Variants in FAM161A observed in about 807,000 individuals in gnomAD.
FAM161A encodes the protein protein FAM161A.
Under a neutral mutation model 70.9 loss-of-function variants are expected in FAM161A, and 57 were observed. The ratio of observed to expected loss-of-function variants is 0.80; its 90% CI spans 0.65 to 1.00. The LOEUF is 1.00. FAM161A is among the 50% of genes least tolerant of loss of function. The pLI is 0.00. For synonymous variants in FAM161A, 299 were observed against 295.7 expected, an observed-to-expected ratio of 1.01 and a Z score of -0.12; for missense variants, 880 against 836.0, an observed-to-expected ratio of 1.05 and a Z score of -0.65.
At chr2:61,844,174 C>G in intron 1 of FAM161A, among the ~76,000 whole-genome samples, 1 of 152,062 alleles carries the variant, frequency 6.6e-6, no homozygotes, top group East Asian at 1.9e-4. Flanking sequence ...ATAGAACTTA[C>G]GTGCAGAAAT....
the FAM161A span, among the ~76,000 whole-genome samples, chr2:61,803,733 G>A: frequency 6.6e-6 from 1 of 152,206 alleles, no homozygotes; most frequent in Non-Finnish European, 1.5e-5. Flanking sequence ...AGAATGGTGT[G>A]AACTCGGGAC....
At chr2:61,832,283 C>A (rs1262895957) in intron 5 of FAM161A, among the ~76,000 whole-genome samples, 1 of 148,292 alleles carries the variant, frequency 6.7e-6, no homozygotes, top group East Asian at 2.0e-4. Context: ...CAACAAAAAA[C>A]CAACAACAAC....
chr2:61,839,271 G>A, intron 3 of FAM161A, 150 bp downstream of exon 3: 1 of 685,074 alleles, frequency 1.5e-6, no homozygotes, highest in Non-Finnish European at 2.4e-6. Context: ...AATACCCTCT[G>A]ACAAAATATC....
chr2:61,803,362 T>C, the FAM161A span: 1 of 701,180 alleles, frequency 1.4e-6, no homozygotes, highest in Admixed American at 1.9e-5. Flanking sequence ...ACATGGCCTG[T>C]ATGAGAAGAA....
At chr2:61,809,075 G>T in the FAM161A span, among the ~76,000 whole-genome samples, 1 of 152,132 alleles carries the variant, frequency 6.6e-6, no homozygotes, top group Non-Finnish European at 1.5e-5. Context: ...GTTTTGCCAT[G>T]TTGGCCAGGC....
At position 61,854,030 on chromosome 2, in the gene FAM161A, G is replaced by A; in HGVS notation, c.12C>T (p.Ser4=). 7 of 1,609,742 alleles carry A rather than the reference G, an allele frequency of 4.3e-6. No homozygotes were observed. Among genetic ancestry groups the A allele is most frequent in the African/African-American group, 1.3e-5 (1 of 74,982 alleles). Residue 4 remains serine, a synonymous_variant, in exon 1 of 7, where the codon TCC becomes TCT. Coordinates refer to ENST00000404929, the MANE Select transcript of FAM161A (RefSeq NM_001201543.2). ...AGGCCACCAGCTTCGCCACTCGGTG[G>A]GAGGTGGCCATCGCCCCGCCTCCGA... MAT[S]HRVAKLVASS... is the part of the protein sequence containing the mutation.
chr2:61,817,641 A>T, the FAM161A span, among the ~76,000 whole-genome samples: 4 of 152,216 alleles, frequency 2.6e-5, no homozygotes, highest in African/African-American at 9.6e-5. Context: ...AAGTTGCTTC[A>T]TCACAAAGTG....
chr2:61,846,756 T>A (rs929788097), intron 1 of FAM161A: 3 of 334,104 alleles, frequency 9.0e-6, no homozygotes, highest in Non-Finnish European at 1.8e-5. Context: ...AGATGGGACT[T>A]ACTCCTTTCT....
At position 61,840,343 on chromosome 2, in the gene FAM161A, C is replaced by T; in HGVS notation, c.661G>A (p.Ala221Thr). 1 of 1,614,046 alleles carries T rather than the reference C, an allele frequency of 6.2e-7. No individual in the cohort carries two copies. Among genetic ancestry groups the T allele is most frequent in the Non-Finnish European group, 8.5e-7 (1 of 1,180,000 alleles). Residue 221 changes from alanine (A) to threonine (T), a missense_variant, in exon 3 of 7, where the codon GCA becomes ACA. Physicochemically the swap from Ala to Thr is moderately conservative, Grantham distance 58. Transcript: ENST00000404929. ...YIRCKDTGFHAAEKRRKKRKE... is the reference protein window; with the variant it reads ...YIRCKDTGFHTAEKRRKKRKE... ...CGTTTCTTCCTTCTTTTTTCAGCTG[C>T]ATGGAAGCCAGTATCTTTACAGCGA...
rs146880732 is a variant in FAM161A, at chr2:61,828,336, C to CTT, written c.1852-1080_1852-1079dup. Among the ~76,000 whole-genome samples the CTT allele has an allele frequency of 3.7e-3, 548 of 146,224 alleles. 2 individuals are homozygous for CTT. Among genetic ancestry groups the CTT allele is most frequent in the African/African-American group, 0.013 (501 of 39,942 alleles). ...AATTGTTGTCAGAGGATTCTTTTTC[C>CTT]TTTTTTTTTTGAAAAAGGGTCTTGC... On this transcript the variant is annotated intron_variant, in intron 5 of 6. Transcript: ENST00000404929.
At chr2:61,835,647 G>T in intron 5 of FAM161A, 1 of 177,140 alleles carries the variant, frequency 5.6e-6, no homozygotes, top group Non-Finnish European at 1.2e-5. Flanking sequence ...CGAACTACTG[G>T]ATTGGCATGT....
At chr2:61,820,234 C>A (rs1029530571), downstream of FAM161A, 18 of 612,190 alleles carry the variant, frequency 2.9e-5, no homozygotes, top group Non-Finnish European at 5.0e-5. Flanking sequence ...AGCCAAGCAG[C>A]TGTGGCAGCT....
At position 61,838,535 on chromosome 2, in the gene FAM161A, T is replaced by A. The variant is rs1558481837; in HGVS notation, c.1751+3A>T. The stretch of plus-strand genomic sequence containing the variant: ...CTGGAGATTCAAGATTTTTTCATGA[T>A]ACCTGAGACATTTTACTCTGGATTT... On this transcript the variant is annotated splice_donor_region_variant and intron_variant, in intron 4 of 6. Transcript: ENST00000404929. 2 of 1,600,122 alleles carry A rather than the reference T, an allele frequency of 1.2e-6. No homozygotes were observed. The highest frequency in any genetic ancestry group is 1.7e-6 in the Non-Finnish European group (2 of 1,172,664).
chr2:61,839,716 CAGG>C lies in FAM161A; in HGVS notation c.1285_1287del (p.Pro429del). The C allele has an allele frequency of 2.5e-6, 4 of 1,614,146 alleles. No individual in the cohort carries two copies. Among genetic ancestry groups the C allele is most frequent in the Non-Finnish European group, 3.4e-6 (4 of 1,180,024 alleles). ...TATCTCTCAGGAAGGTCCTCAAAAT[CAGG>C]AGTTGGGCACCTAACCTTGTGTTTA... is the stretch of plus-strand genomic sequence containing the variant. On this transcript the variant is annotated inframe_deletion, in exon 3 of 7. Coordinates refer to ENST00000404929, the MANE Select transcript of FAM161A (RefSeq NM_001201543.2).
chr2:61,810,328 C>A, the FAM161A span, among the ~76,000 whole-genome samples: 1 of 152,002 alleles, frequency 6.6e-6, no homozygotes, highest in Non-Finnish European at 1.5e-5. Context: ...TCTGAAGAGT[C>A]CTGTAGAAGC....
chr2:61,832,376 C>T (rs1247712290), intron 5 of FAM161A, among the ~76,000 whole-genome samples: 1 of 151,794 alleles, frequency 6.6e-6, no homozygotes, highest in Non-Finnish European at 1.5e-5. Flanking sequence ...TGTCATTTTT[C>T]ATTAGGTAAG....
intron 1 of FAM161A, chr2:61,846,713 G>A (rs748360849): frequency 1.4e-5 from 4 of 286,668 alleles, no homozygotes; most frequent in Non-Finnish European, 2.8e-5. Flanking sequence ...TGCTAAAAGT[G>A]GAGTTAGAGG....
In FAM161A at chr2:61,847,769, C is replaced by CA. The variant is rs1379792322; in HGVS notation, c.184-5410dup. Among the ~76,000 whole-genome samples the CA allele has an allele frequency of 7.9e-5, 12 of 151,854 alleles. No homozygotes were observed. The East Asian group carries it at 1.5e-3, about 20-fold the overall frequency. On this transcript the variant is annotated intron_variant, in intron 1 of 6. Transcript: ENST00000404929. Reference sequence around the variant, plus strand: ...CCTGGGTAACAGTGTGACCCTGTCTCAAAAAAACAAAACAAAACAAAAAGA... The same window carrying CA: ...CCTGGGTAACAGTGTGACCCTGTCTCAAAAAAAACAAAACAAAACAAAAAGA...
At chr2:61,813,608 A>G in the FAM161A span, among the ~76,000 whole-genome samples, 1 of 147,028 alleles carries the variant, frequency 6.8e-6, no homozygotes, top group Non-Finnish European at 1.5e-5. Flanking sequence ...GGTCTCAGCT[A>G]TTTGGGAGGC....
Sources: gnomAD v4.1 joint callset for allele counts (sites outside exome capture counted in the v4.1 genomes callset) on GRCh38, gnomAD v4.1.1 for gene constraint, MANE v1.5 for transcripts, NCBI Gene and HGNC (gene_info 2026-07-23, HGNC 2026-07-21) for gene names.